NECTIN2: variants seen among roughly 807,000 people sequenced by gnomAD.
The protein encoded by NECTIN2 is nectin-2.
NECTIN2 carries 23 observed loss-of-function variants against 56.9 expected under a neutral mutation model. That is an observed-to-expected ratio of 0.40 (90% CI 0.29 to 0.57). The LOEUF (loss-of-function observed/expected upper bound fraction) is 0.57. Ranked by LOEUF, NECTIN2 falls within the 20% of genes least tolerant of loss-of-function variation. The pLI is 0.38. For synonymous variants in NECTIN2, 302 were observed against 313.8 expected (o/e 0.96, Z 0.40); for missense variants, 587 against 718.3 (o/e 0.82, Z 2.09).
intron 2 of NECTIN2, among the ~76,000 whole-genome samples, chr19:44,869,592 C>CAAAAA (rs774822564): frequency 1.1e-4 from 6 of 53,702 alleles, no homozygotes; most frequent in East Asian, 7.2e-4. Context: ...GACTCCATCT[C>CAAAAA]AAAAAAAAAA....
chr19:44,883,948 G>C (rs1969333990), intron 6 of NECTIN2, among the ~76,000 whole-genome samples: 1 of 151,626 alleles, frequency 6.6e-6, no homozygotes, highest in African/African-American at 2.4e-5. Context: ...GGCGAAACCT[G>C]TCTACAAAAA....
chr19:44,875,675 A>G lies in NECTIN2; in HGVS notation c.1042+1197A>G, dbSNP rs976587965. Among the ~76,000 whole-genome samples the G allele has an allele frequency of 6.6e-6, 1 of 152,114 alleles. No individual in the cohort carries two copies. On this transcript the variant is annotated intron_variant, in intron 5 of 8. Transcript: ENST00000252483. This position sits in a 1 kb window ranked among gnomAD's most constrained non-coding sequence, Gnocchi z 4.2. ...AACATGACTGAAGGTGTAGGGACAA[A>G]CTCCCAGACAGGGGCTGTCCCTGTC...
Position 44,878,796 on chromosome 19 carries a change from G to A in NECTIN2, c.1043-3415G>A, listed in dbSNP as rs905506797. 55 of 1,408,300 alleles carry A rather than the reference G, an allele frequency of 3.9e-5. No individual in the cohort carries two copies. In the Middle Eastern group the frequency reaches 7.6e-4, roughly 19 times the overall value. 87.2% of individuals were successfully genotyped at this position (1,408,300 alleles called of 1,614,324 possible). ...TGGAACAGCACACTGGACTTCTCCC[G>A]TCTCTAGGGCTGCATGGGGAGCCCG... On this transcript the variant is annotated intron_variant, in intron 5 of 8. Transcript: ENST00000252483.
intron 6 of NECTIN2, 51 bp from the exon 7 acceptor site, chr19:44,885,886 A>C (rs1461081668): frequency 6.9e-7 from 1 of 1,456,276 alleles, no homozygotes; most frequent in Non-Finnish European, 9.6e-7. Flanking sequence ...CCCCGGAGTC[A>C]GAGGGATGCC....
At chr19:44,866,823 C>T (rs979799515) in intron 2 of NECTIN2, among the ~76,000 whole-genome samples, 1 of 152,132 alleles carries the variant, frequency 6.6e-6, no homozygotes, top group East Asian at 1.9e-4. Flanking sequence ...CTCCTCCTGG[C>T]TGTGTTGGGA....
At chr19:44,885,831 C>A in intron 6 of NECTIN2, 106 bp from the exon 7 acceptor site, 1 of 878,536 alleles carries the variant, frequency 1.1e-6, no homozygotes, top group Non-Finnish European at 1.9e-6. Context: ...GAAAAGGGGG[C>A]AGGGGAAAGG....
chr19:44,883,424 G>A (rs1599927995), intron 6 of NECTIN2, among the ~76,000 whole-genome samples: 1 of 152,038 alleles, frequency 6.6e-6, no homozygotes, highest in South Asian at 2.1e-4. Flanking sequence ...ACAGATGCGC[G>A]CCACCACGCC....
rs778682885 is a variant in NECTIN2, at chr19:44,888,322, C to A, written c.1560C>A (p.Ser520Arg). The A allele has an allele frequency of 1.1e-5, 18 of 1,613,824 alleles. No individual in the cohort carries two copies. The African/African-American group carries it at 2.4e-4, about 22-fold the overall frequency. The change falls in exon 9 of 9, where the codon AGC (serine) becomes AGA (arginine). Residue 520 changes from serine to arginine, a missense_variant. Coordinates refer to ENST00000252483, the MANE Select transcript of NECTIN2 (RefSeq NM_001042724.2). ...TCTATGATGCTCTGTCCTATAGCAG[C>A]CCCTCTGATTCCTACCAGGGCAAAG... ...NPIYDALSYS[S>R]PSDSYQGKGF...
At chr19:44,862,154 G>A (rs1035087140) in intron 1 of NECTIN2, among the ~76,000 whole-genome samples, 5 of 152,184 alleles carry the variant, frequency 3.3e-5, no homozygotes, top group African/African-American at 9.7e-5. Flanking sequence ...TGTGGCTGAC[G>A]CCTGTAATCC....
intron 2 of NECTIN2, among the ~76,000 whole-genome samples, chr19:44,869,994 C>T (rs953540843): frequency 3.3e-5 from 5 of 152,156 alleles, no homozygotes; most frequent in East Asian, 1.9e-4. Flanking sequence ...CAAGAGCTTC[C>T]GTATACACAC....
In NECTIN2 at chr19:44,881,994, A is replaced by T. The variant is rs1050549337; in HGVS notation, c.1043-217A>T. The T allele has an allele frequency of 4.1e-5, 16 of 394,708 alleles. No homozygotes were observed. The Admixed American group carries it at 4.5e-4, about 11-fold the overall frequency. 24.5% of individuals were successfully genotyped at this position (394,708 alleles called of 1,614,324 possible). ...CAGAATCAAAGTTCCATGAAGGTAG[A>T]CACTTTGTATGTTTTGTTCTCCACT... On this transcript the variant is annotated intron_variant, in intron 5 of 8. Transcript: ENST00000252483.
intron 5 of NECTIN2, among the ~76,000 whole-genome samples, chr19:44,876,856 C>T (rs1371291735): frequency 1.3e-5 from 2 of 152,146 alleles, no homozygotes; most frequent in Admixed American, 6.5e-5. Flanking sequence ...GCTGGGATTA[C>T]AGGTATGAGC....
intron 3 of NECTIN2, among the ~76,000 whole-genome samples, chr19:44,873,244 G>A (rs1969198020): frequency 6.6e-6 from 1 of 152,094 alleles, no homozygotes; most frequent in Non-Finnish European, 1.5e-5. Flanking sequence ...GCCCATAAGT[G>A]CAACAGCTCC....
At position 44,865,593 on chromosome 19, in the gene NECTIN2, C is replaced by T; in HGVS notation, c.411C>T (p.Asn137=). ...LHGLTVEDEG[N]YTCEFATFPK... ...GGCTCACGGTGGAGGACGAGGGCAACTACACTTGCGAGTTTGCCACCTTCC... is the reference window on the plus strand; with the variant it reads ...GGCTCACGGTGGAGGACGAGGGCAATTACACTTGCGAGTTTGCCACCTTCC... The change falls in exon 2 of 9, where the codon AAC becomes AAT. Residue 137 remains asparagine, a synonymous_variant. Transcript: ENST00000252483. The surrounding 1 kb of genome is among the most constrained non-coding windows in gnomAD (Gnocchi z 5.2). The T allele has an allele frequency of 6.5e-7, 1 of 1,544,084 alleles. No individual in the cohort carries two copies.
chr19:44,858,669 G>A (rs1968998010), intron 1 of NECTIN2, among the ~76,000 whole-genome samples: 1 of 151,326 alleles, frequency 6.6e-6, no homozygotes, highest in Non-Finnish European at 1.5e-5. Context: ...CCGAGACCGA[G>A]TCTCTCTCTG....
At chr19:44,873,596 G>A (rs1969201900) in intron 3 of NECTIN2, among the ~76,000 whole-genome samples, 1 of 151,856 alleles carries the variant, frequency 6.6e-6, no homozygotes, top group Non-Finnish European at 1.5e-5. Context: ...TCACCCCACT[G>A]CTCTCCATCC....
At chr19:44,849,693 C>T (rs769050277) in intron 1 of NECTIN2, among the ~76,000 whole-genome samples, 1 of 152,016 alleles carries the variant, frequency 6.6e-6, no homozygotes, top group South Asian at 2.1e-4. Context: ...GAAACAGAGA[C>T]GTAGACCAGA....
chr19:44,883,326 G>T (rs1419764832), intron 6 of NECTIN2, among the ~76,000 whole-genome samples: 1 of 151,654 alleles, frequency 6.6e-6, no homozygotes, highest in African/African-American at 2.4e-5. Flanking sequence ...CCTGGCTGGA[G>T]TGCCAAGGCG....
intron 2 of NECTIN2, among the ~76,000 whole-genome samples, chr19:44,867,625 A>T (rs1017304402): frequency 6.6e-6 from 1 of 152,238 alleles, no homozygotes; most frequent in African/African-American, 2.4e-5. Flanking sequence ...ACCTTTGGGC[A>T]TAGCAGAGGG....
Sources: allele counts gnomAD v4.1 joint callset (sites outside exome capture counted in the v4.1 genomes callset), GRCh38; gene constraint gnomAD v4.1.1; non-coding constraint Gnocchi (gnomAD v3.1); transcripts MANE v1.5; gene names NCBI Gene and HGNC (gene_info 2026-07-23, HGNC 2026-07-21).